Variants in KCNIP1 observed in about 807,000 individuals in gnomAD.
KCNIP1 encodes the protein potassium voltage-gated channel interacting protein 1, also known as A-type potassium channel modulatory protein KCNIP1.
A neutral mutation model predicts 33.0 loss-of-function variants in KCNIP1; 18 were observed. The ratio of observed to expected loss-of-function variants is 0.55; its 90% CI spans 0.38 to 0.81. The LOEUF (loss-of-function observed/expected upper bound fraction) is 0.81. Ranked by LOEUF, KCNIP1 falls within the 30% of genes least tolerant of loss-of-function variation. The pLI, the probability that KCNIP1 is intolerant of heterozygous loss-of-function variation, is 0.00. For synonymous variants in KCNIP1, 93 were observed against 98.3 expected (o/e 0.95, Z 0.32); for missense variants, 238 against 271.6 (o/e 0.88, Z 0.87).
intron 1 of KCNIP1, among the ~76,000 whole-genome samples, chr5:170,542,667 A>G (rs965937259): frequency 1.3e-5 from 2 of 152,192 alleles, no homozygotes; most frequent in Admixed American, 6.5e-5. Context: ...TTTTTCCTAT[A>G]CTTATATACC....
At chr5:170,535,466 A>T (rs1755950482) in intron 1 of KCNIP1, among the ~76,000 whole-genome samples, 1 of 152,158 alleles carries the variant, frequency 6.6e-6, no homozygotes, top group Non-Finnish European at 1.5e-5. Context: ...CTCCAACAAC[A>T]ACAACAATAT....
At chr5:170,520,808 AG>A (rs1325452091) in intron 1 of KCNIP1, among the ~76,000 whole-genome samples, 1 of 152,116 alleles carries the variant, frequency 6.6e-6, no homozygotes, top group African/African-American at 2.4e-5. Flanking sequence ...CACTTCCTTC[AG>A]GGAAGGCTCC....
At position 170,447,071 on chromosome 5, in the gene KCNIP1, T is replaced by C. The variant is rs954346898; in HGVS notation, c.88+93107T>C. Among the ~76,000 whole-genome samples the C allele has an allele frequency of 1.3e-4, 19 of 147,084 alleles. No individual in the cohort carries two copies. The East Asian group carries it at 4.0e-3, about 31-fold the overall frequency. Reference sequence around the variant, plus strand: ...ATCTCCATCTTCTTATTCATCTGAATATTCCTCATGCCTGGCATCACGCCT... The same window carrying C: ...ATCTCCATCTTCTTATTCATCTGAACATTCCTCATGCCTGGCATCACGCCT... On this transcript the variant is annotated intron_variant, in intron 1 of 7. Transcript: ENST00000377360.
intron 1 of KCNIP1, among the ~76,000 whole-genome samples, chr5:170,564,785 C>T (rs920027016): frequency 1.3e-5 from 2 of 152,090 alleles, no homozygotes; most frequent in Non-Finnish European, 2.9e-5. Context: ...GCAGAACAAA[C>T]AGACAAATTA....
At chr5:170,631,665 A>C (rs527961731) in intron 1 of KCNIP1, among the ~76,000 whole-genome samples, 2 of 152,190 alleles carry the variant, frequency 1.3e-5, no homozygotes, top group Admixed American at 6.5e-5. Flanking sequence ...GGATGCCAGG[A>C]AAGTCTCTTT....
intron 1 of KCNIP1, among the ~76,000 whole-genome samples, chr5:170,457,903 G>C (rs1011824125): frequency 5.9e-5 from 9 of 152,180 alleles, no homozygotes; most frequent in African/African-American, 2.2e-4. Context: ...AATCAGGAAG[G>C]CACCAGTGAA....
intron 1 of KCNIP1, among the ~76,000 whole-genome samples, chr5:170,541,104 G>A (rs1756189575): frequency 6.6e-6 from 1 of 152,170 alleles, no homozygotes; most frequent in Non-Finnish European, 1.5e-5. Flanking sequence ...AATCTTGGCT[G>A]TGTGACTTTG....
At chr5:170,536,008 G>A (rs770513791) in intron 1 of KCNIP1, among the ~76,000 whole-genome samples, 1 of 152,198 alleles carries the variant, frequency 6.6e-6, no homozygotes, top group Non-Finnish European at 1.5e-5. Context: ...TGGTTGTCTT[G>A]AGTTTAGCTC....
At chr5:170,692,102 TAAGTA>T (rs550998863) in intron 1 of KCNIP1, among the ~76,000 whole-genome samples, 170 of 152,128 alleles carry the variant, frequency 1.1e-3, no homozygotes, top group African/African-American at 3.6e-3. Context: ...AAGAACCACC[TAAGTA>T]AAGAGCCCCA....
upstream of KCNIP1, chr5:170,503,943 C>CCG: frequency 8.3e-6 from 5 of 602,074 alleles, no homozygotes; most frequent in Non-Finnish European, 1.0e-5. Context: ...CCGCCCCCAC[C>CCG]GTGCAGCCCT....
At chr5:170,479,769 A>G (rs1756936588) in intron 1 of KCNIP1, among the ~76,000 whole-genome samples, 1 of 152,248 alleles carries the variant, frequency 6.6e-6, no homozygotes, top group Non-Finnish European at 1.5e-5. Flanking sequence ...TTAAATATTA[A>G]ACAAAGCACT....
rs1257405253 is a variant in KCNIP1, at chr5:170,722,732, C to T, written c.347C>T (p.Ser116Leu). 3.7e-6 allele frequency: 6 copies of T among 1,613,100 alleles called. No homozygotes were observed. The highest frequency in any genetic ancestry group is 2.2e-5 in the East Asian group (1 of 44,862). Reference sequence around the variant, plus strand: ...TCTCAGGACTTTGTAACCGCTCTGTCGATTTTATTGAGAGGAACTGTCCAC... The same window carrying T: ...TCTCAGGACTTTGTAACCGCTCTGTTGATTTTATTGAGAGGAACTGTCCAC... ...VKFEDFVTAL[S>L]ILLRGTVHEK... Residue 116 changes from serine (S) to leucine (L), a missense_variant, in exon 5 of 8, where the codon TCG becomes TTG. Coordinates refer to ENST00000328939, the MANE Select transcript of KCNIP1 (RefSeq NM_014592.4).
At chr5:170,473,090 T>A (rs1208527722) in intron 1 of KCNIP1, among the ~76,000 whole-genome samples, 4 of 152,144 alleles carry the variant, frequency 2.6e-5, no homozygotes, top group Non-Finnish European at 5.9e-5. Context: ...CACACCTACA[T>A]CTACTGTTTT....
intron 1 of KCNIP1, chr5:170,383,765 ACTGGGGCAC>A: frequency 6.2e-7 from 1 of 1,614,142 alleles, no homozygotes; most frequent in Non-Finnish European, 8.5e-7. Flanking sequence ...AGGCATGGGT[ACTGGGGCAC>A]CTTCTTGCCC....
chr5:170,558,605 G>T (rs1186819246), intron 1 of KCNIP1, among the ~76,000 whole-genome samples: 2 of 152,224 alleles, frequency 1.3e-5, no homozygotes, highest in Non-Finnish European at 2.9e-5. Context: ...CCCAGCAGCT[G>T]TGCAGCCCCT....
At chr5:170,530,820 C>T (rs1413119956) in intron 1 of KCNIP1, among the ~76,000 whole-genome samples, 1 of 152,158 alleles carries the variant, frequency 6.6e-6, no homozygotes, top group African/African-American at 2.4e-5. Context: ...AGGCAGACAG[C>T]TCTGTGGAGG....
At chr5:170,370,245 A>T (rs970483791) in intron 1 of KCNIP1, among the ~76,000 whole-genome samples, 6 of 152,334 alleles carry the variant, frequency 3.9e-5, no homozygotes, top group Admixed American at 2.0e-4. Context: ...AGACACACTT[A>T]CTTGAAGAGA....
intron 1 of KCNIP1, among the ~76,000 whole-genome samples, chr5:170,473,602 C>G (rs1756784761): frequency 6.6e-6 from 1 of 152,126 alleles, no homozygotes; most frequent in Non-Finnish European, 1.5e-5. Context: ...TTCGGCTGAG[C>G]ACCAGGGCCC....
chr5:170,711,375 C>T (rs1763437565), intron 1 of KCNIP1, among the ~76,000 whole-genome samples: 1 of 152,244 alleles, frequency 6.6e-6, no homozygotes, highest in African/African-American at 2.4e-5. Context: ...ATACCTAAGA[C>T]ATTCCTGGCA....
Sources: allele counts gnomAD v4.1 joint callset (sites outside exome capture counted in the v4.1 genomes callset), GRCh38; gene constraint gnomAD v4.1.1; transcripts MANE v1.5; gene names NCBI Gene and HGNC (gene_info 2026-07-23, HGNC 2026-07-21).